FMNL3: variants seen among roughly 807,000 people sequenced by gnomAD.
The protein encoded by FMNL3 is formin-like protein 3.
FMNL3 carries 57 observed loss-of-function variants against 119.6 expected under a neutral mutation model. That is an observed-to-expected ratio of 0.48 (90% CI 0.39 to 0.59). FMNL3 has a LOEUF of 0.59. Ranked by LOEUF, FMNL3 falls within the 20% of genes least tolerant of loss-of-function variation. The pLI is 0.00. For synonymous variants in FMNL3, 491 were observed against 507.3 expected (o/e 0.97, Z 0.43); for missense variants, 1,053 against 1,323.5 (o/e 0.80, Z 3.17).
At position 49,642,515 on chromosome 12, in the gene FMNL3, C is replaced by A; in HGVS notation, c.*3300G>T. 6.3e-7 allele frequency: 1 copy of A among 1,592,726 alleles called. No individual in the cohort carries two copies. The highest frequency in any genetic ancestry group is 8.6e-7 in the Non-Finnish European group (1 of 1,161,708). ...CTCTGCCCCAGCCCTGCCCTGTGCTCATGGCGGTGTCCAGGCCAGGCTGAG... is the reference window on the plus strand; with the variant it reads ...CTCTGCCCCAGCCCTGCCCTGTGCTAATGGCGGTGTCCAGGCCAGGCTGAG... On this transcript the variant is annotated 3_prime_UTR_variant, in exon 26 of 26. Coordinates refer to ENST00000335154, the MANE Select transcript of FMNL3 (RefSeq NM_175736.5). The surrounding 1 kb of genome is among the most constrained non-coding windows in gnomAD (Gnocchi z 5.8).
At chr12:49,693,527 A>T in intron 1 of FMNL3, among the ~76,000 whole-genome samples, 1 of 149,668 alleles carries the variant, frequency 6.7e-6, no homozygotes, top group Non-Finnish European at 1.5e-5. Flanking sequence ...ATAAGCACGC[A>T]CCACTACACC....
intron 17 of FMNL3, among the ~76,000 whole-genome samples, chr12:49,650,278 ATGCT>A (rs1943355384): frequency 6.6e-6 from 1 of 152,142 alleles, no homozygotes; most frequent in South Asian, 2.1e-4. Context: ...CCAAGGCACT[ATGCT>A]TCTCCCTCCA....
At chr12:49,703,210 A>T (rs936783463) in intron 1 of FMNL3, among the ~76,000 whole-genome samples, 1 of 152,202 alleles carries the variant, frequency 6.6e-6, no homozygotes, top group African/African-American at 2.4e-5. Context: ...ACAAAGACAG[A>T]CAGCTATCCT....
chr12:49,659,925 G>C lies in FMNL3; in HGVS notation c.453-1331C>G, dbSNP rs938725891. 22 of 985,336 alleles carry C rather than the reference G, an allele frequency of 2.2e-5. No homozygotes were observed. In the African/African-American group the frequency reaches 3.3e-4, roughly 15 times the overall value. The allele number at this position is 985,336 out of a possible 1,614,324, so 61.0% of individuals were successfully genotyped here. ...TCTCCCCCAAGAAGCATTCTGCTCA[G>C]ACATGGGGTCAAAGGCACAGAGGTT... On this transcript the variant is annotated intron_variant, in intron 5 of 25. Coordinates refer to ENST00000335154, the MANE Select transcript of FMNL3 (RefSeq NM_175736.5).
At chr12:49,654,789 A>G in intron 10 of FMNL3, 121 bp downstream of exon 10, 1 of 952,138 alleles carries the variant, frequency 1.1e-6, no homozygotes, top group South Asian at 1.6e-5. Context: ...GCATTTGCTG[A>G]ATAGAATCAT....
chr12:49,669,908 C>T (rs1275640561), intron 1 of FMNL3, among the ~76,000 whole-genome samples: 1 of 152,164 alleles, frequency 6.6e-6, no homozygotes, highest in Non-Finnish European at 1.5e-5. Flanking sequence ...CAGTCTGACA[C>T]TTTAATCAGA....
intron 1 of FMNL3, among the ~76,000 whole-genome samples, chr12:49,671,447 G>A (rs891382353): frequency 2.0e-5 from 3 of 152,234 alleles, no homozygotes; most frequent in Non-Finnish European, 4.4e-5. Context: ...AGTGTGATAG[G>A]GAAGGAGGTG....
intron 1 of FMNL3, among the ~76,000 whole-genome samples, chr12:49,669,582 A>G (rs998172059): frequency 1.3e-5 from 2 of 152,178 alleles, no homozygotes; most frequent in African/African-American, 4.8e-5. Flanking sequence ...CTGTAATCCC[A>G]GCACTTTGGG....
chr12:49,654,617 G>T (rs1252931640), intron 10 of FMNL3, among the ~76,000 whole-genome samples: 2 of 152,154 alleles, frequency 1.3e-5, no homozygotes, highest in Admixed American at 1.3e-4. Flanking sequence ...GTGAGGGGAA[G>T]AGAAGCTAGA....
chr12:49,637,715 C>G lies in FMNL3; in HGVS notation c.*8100G>C, dbSNP rs375291078. On this transcript the variant is annotated 3_prime_UTR_variant, in exon 26 of 26. Transcript: ENST00000335154. ...GGAAGCTGCCGCCCGCCAGGCCCCCCTCCCTCCCTCCTTACAGGCTCCACC... is the reference window on the plus strand; with the variant it reads ...GGAAGCTGCCGCCCGCCAGGCCCCCGTCCCTCCCTCCTTACAGGCTCCACC... 3 of 1,543,714 alleles carry G rather than the reference C, an allele frequency of 1.9e-6. No individual in the cohort carries two copies. The highest frequency in any genetic ancestry group is 2.7e-5 in the African/African-American group (2 of 73,488).
Position 49,665,923 on chromosome 12 carries a change from G to A in FMNL3, c.292-15C>T, listed in dbSNP as rs769931829. Reference sequence around the variant, plus strand: ...CTCCTGAACTTCTGTAAAAAGGGTAGGAAAGGAAGGGAATACAAGAGGGCA... The same window carrying A: ...CTCCTGAACTTCTGTAAAAAGGGTAAGAAAGGAAGGGAATACAAGAGGGCA... On this transcript the variant is annotated splice_polypyrimidine_tract_variant and intron_variant, in intron 3 of 25. Coordinates refer to ENST00000335154, the MANE Select transcript of FMNL3 (RefSeq NM_175736.5). 8.1e-6 allele frequency: 13 copies of A among 1,613,260 alleles called. No homozygotes were observed. Among genetic ancestry groups the A allele is most frequent in the Non-Finnish European group, 1.0e-5 (12 of 1,179,194 alleles).
rs185521597 is a variant in FMNL3, at chr12:49,650,959, C to T, written c.1798-81G>A. The T allele has an allele frequency of 9.7e-4, 1,493 of 1,536,434 alleles. 7 individuals are homozygous for T. The highest frequency in any genetic ancestry group is 8.8e-4 in the Non-Finnish European group (978 of 1,114,272). ...TCATGACAGCCCACCCAGCATTGGC[C>T]CAGAGCTCTGTCACTCTGGAATATT... On this transcript the variant is annotated intron_variant, in intron 16 of 25. Transcript: ENST00000335154.
intron 1 of FMNL3, among the ~76,000 whole-genome samples, chr12:49,684,977 T>C (rs576725040): frequency 6.6e-6 from 1 of 152,214 alleles, no homozygotes; most frequent in Non-Finnish European, 1.5e-5. Flanking sequence ...TCTTTCCTGG[T>C]CAGATATCTC....
intron 12 of FMNL3, 104 bp downstream of exon 12, chr12:49,653,621 G>C: frequency 5.2e-6 from 8 of 1,527,652 alleles, no homozygotes; most frequent in Non-Finnish European, 7.1e-6. Flanking sequence ...GGGTTCTAAA[G>C]CCTCCCTGGG....
At chr12:49,663,493 A>G (rs896453888) in intron 4 of FMNL3, among the ~76,000 whole-genome samples, 1 of 152,200 alleles carries the variant, frequency 6.6e-6, no homozygotes, top group Admixed American at 6.5e-5. Flanking sequence ...AGCACCCACA[A>G]TCTGACAAAC....
At chr12:49,677,695 G>A (rs1233263039) in intron 1 of FMNL3, among the ~76,000 whole-genome samples, 1 of 152,130 alleles carries the variant, frequency 6.6e-6, no homozygotes, top group Non-Finnish European at 1.5e-5. Context: ...CATTCAGAAA[G>A]TTCATATCCT....
At chr12:49,671,083 T>C (rs986973366) in intron 1 of FMNL3, among the ~76,000 whole-genome samples, 15 of 152,276 alleles carry the variant, frequency 9.9e-5, no homozygotes, top group African/African-American at 3.6e-4. Context: ...AGCCTGTCAC[T>C]GCTGTGGCAG....
Position 49,638,871 on chromosome 12 carries a change from A to C in FMNL3, c.*6944T>G, listed in dbSNP as rs914736927. On this transcript the variant is annotated 3_prime_UTR_variant, in exon 26 of 26. Coordinates refer to ENST00000335154, the MANE Select transcript of FMNL3 (RefSeq NM_175736.5). ...GTACCTGGGTTGAAAGGGATCTGGA[A>C]ATAAAGCTAGAAATGTCTCACTGCA... 6.6e-6 allele frequency: 1 copy of C among 152,226 alleles called. No homozygotes were observed. The highest frequency in any genetic ancestry group is 2.4e-5 in the African/African-American group (1 of 41,452). The allele number at this position is 152,226 out of a possible 1,614,324, so 9.4% of individuals were successfully genotyped here.
chr12:49,655,115 A>C, intron 9 of FMNL3, 131 bp from the exon 10 acceptor site: 1 of 767,798 alleles, frequency 1.3e-6, no homozygotes, highest in African/African-American at 1.7e-5. Flanking sequence ...TATATATGAA[A>C]TAGGCCATTC....
Sources: gnomAD v4.1 joint callset for allele counts (sites outside exome capture counted in the v4.1 genomes callset) on GRCh38, gnomAD v4.1.1 for gene constraint, Gnocchi (gnomAD v3.1) non-coding constraint, MANE v1.5 for transcripts, NCBI Gene and HGNC (gene_info 2026-07-23, HGNC 2026-07-21) for gene names.